Variants in CNR2 observed in about 807,000 individuals in gnomAD.
CNR2 encodes cannabinoid receptor 2.
For missense variants in CNR2, 379 were observed against 439.9 expected, an observed-to-expected ratio of 0.86 and a Z score of 1.24; for synonymous variants, 172 against 182.2, an observed-to-expected ratio of 0.94 and a Z score of 0.45.
intron 1 of CNR2, among the ~76,000 whole-genome samples, chr1:23,909,833 G>A (rs1640554887): frequency 1.3e-5 from 2 of 152,044 alleles, no homozygotes; most frequent in African/African-American, 4.8e-5. Flanking sequence ...CATACCTAGA[G>A]GCATTTCCAC....
At chr1:23,905,489 CTTTATATATTATATATA>C (rs1640472729) in intron 1 of CNR2, among the ~76,000 whole-genome samples, 1 of 149,946 alleles carries the variant, frequency 6.7e-6, no homozygotes, top group East Asian at 1.9e-4. Flanking sequence ...CATCTTTGCA[CTTTATATATTATATATA>C]TTTATATATT....
rs1639799734 is a variant in CNR2 at position 23,873,394 on chromosome 1, C to T, written c.*1141G>A. 6.7e-6 allele frequency: 1 copy of T among 149,326 alleles called. No homozygotes were observed. The highest frequency in any genetic ancestry group is 2.5e-5 in the African/African-American group (1 of 40,000). The allele number at this position is 149,326 out of a possible 1,614,324, so 9.3% of individuals were successfully genotyped here. On this transcript the variant is annotated 3_prime_UTR_variant, in exon 2 of 2. Transcript: ENST00000374472. ...GGGACTACAGGTGCCTGCCACCATGCCCTGCTAATTTTTGTATTTTTAGTA... is the reference window on the plus strand; with the variant it reads ...GGGACTACAGGTGCCTGCCACCATGTCCTGCTAATTTTTGTATTTTTAGTA...
rs192996807 is a variant in CNR2, at chr1:23,897,121, C to T, written c.-46+16125G>A. On this transcript the variant is annotated intron_variant, in intron 1 of 1. Transcript: ENST00000374472. ...AACTCCTGACCTCAGGTGATCCACC[C>T]GCCTCAGCCTCCCAAAGTGCTGGAA... is the stretch of plus-strand genomic sequence containing the variant. Among the ~76,000 whole-genome samples, 149 of 152,052 alleles carry T rather than the reference C, an allele frequency of 9.8e-4. 2 individuals carry two copies. The highest frequency in any genetic ancestry group is 3.5e-3 in the African/African-American group (146 of 41,476).
chr1:23,876,144 A>G (rs1004456307), intron 1 of CNR2, among the ~76,000 whole-genome samples: 2 of 152,160 alleles, frequency 1.3e-5, no homozygotes, highest in African/African-American at 2.4e-5. Flanking sequence ...CTTAACATCA[A>G]GTGATGGGAA....
chr1:23,875,021 G>A lies in CNR2; in HGVS notation c.597C>T (p.Ala199=), dbSNP rs1316168609. Reference sequence around the variant, plus strand: ...TGTAGATGATTCCGGAAAAGAGGAAGGCGATGAACAGGAGCCAGCTCAGCA... The same window carrying A: ...TGTAGATGATTCCGGAAAAGAGGAAAGCGATGAACAGGAGCCAGCTCAGCA... ...DYLLSWLLFI[A]FLFSGIIYTY... is the part of the protein sequence containing the mutation. Residue 199 remains alanine, a synonymous_variant, in exon 2 of 2, where the codon GCC becomes GCT. Coordinates refer to ENST00000374472, the MANE Select transcript of CNR2 (RefSeq NM_001841.3). The A allele has an allele frequency of 5.0e-6, 8 of 1,609,106 alleles. No homozygotes were observed. Among genetic ancestry groups the A allele is most frequent in the South Asian group, 1.1e-5 (1 of 90,214 alleles).
intron 1 of CNR2, among the ~76,000 whole-genome samples, chr1:23,893,492 ATAAT>A (rs1640222571): frequency 6.6e-6 from 1 of 152,228 alleles, no homozygotes; most frequent in African/African-American, 2.4e-5. Flanking sequence ...TGCAGATTAA[ATAAT>A]TATTTAAAAC....
intron 1 of CNR2, among the ~76,000 whole-genome samples, chr1:23,911,520 G>A (rs780073605): frequency 7.2e-5 from 11 of 152,170 alleles, no homozygotes; most frequent in Non-Finnish European, 1.0e-4. Context: ...GGATGGGAGT[G>A]AGGGAAGCTC....
At chr1:23,900,454 G>A (rs1338255548) in intron 1 of CNR2, among the ~76,000 whole-genome samples, 2 of 151,702 alleles carry the variant, frequency 1.3e-5, no homozygotes, top group African/African-American at 2.4e-5. Context: ...ATAGACGGAG[G>A]GGCATGGGGT....
rs1336397885 is a variant in CNR2 at position 23,902,748 on chromosome 1, A to G, written c.-46+10498T>C. ...CTCGCGCAGCGTGGGGGACCGCGCC[A>G]TTTGGGGCTCTCCGGGTGGTTGTTG... On this transcript the variant is annotated intron_variant, in intron 1 of 1. Coordinates refer to ENST00000374472, the MANE Select transcript of CNR2 (RefSeq NM_001841.3). 15 of 1,530,400 alleles carry G rather than the reference A, an allele frequency of 9.8e-6. 1 individual carries two copies. The highest frequency in any genetic ancestry group is 1.1e-5 in the Non-Finnish European group (13 of 1,144,864). 94.8% of individuals were successfully genotyped at this position (1,530,400 alleles called of 1,614,324 possible). A position where few individuals can be genotyped will look rare whatever the true frequency, so the allele number is the denominator to read the frequency against.
intron 1 of CNR2, among the ~76,000 whole-genome samples, chr1:23,876,087 G>A (rs1639869536): frequency 6.6e-6 from 1 of 152,156 alleles, no homozygotes; most frequent in Non-Finnish European, 1.5e-5. Flanking sequence ...GGCAAGTAAA[G>A]TACTGAAGTT....
intron 1 of CNR2, among the ~76,000 whole-genome samples, chr1:23,883,171 T>A (rs1640021205): frequency 6.6e-6 from 1 of 152,208 alleles, no homozygotes; most frequent in African/African-American, 2.4e-5. Flanking sequence ...GAAATGTGTT[T>A]CACTCCCATC....
In CNR2 at chr1:23,870,632, G is replaced by A. The variant is rs1639744536; in HGVS notation, c.*3903C>T. ...CTCCTTATCCACATAACCAAAATGTGAACCTGCAGGGACAGGTGAGAGGCA... is the reference window on the plus strand; with the variant it reads ...CTCCTTATCCACATAACCAAAATGTAAACCTGCAGGGACAGGTGAGAGGCA... On this transcript the variant is annotated 3_prime_UTR_variant, in exon 2 of 2. Coordinates refer to ENST00000374472, the MANE Select transcript of CNR2 (RefSeq NM_001841.3). 1 of 152,186 alleles carries A rather than the reference G, an allele frequency of 6.6e-6. No homozygotes were observed. The highest frequency in any genetic ancestry group is 1.5e-5 in the Non-Finnish European group (1 of 68,034). The allele number at this position is 152,186 out of a possible 1,614,324, so 9.4% of individuals were successfully genotyped here. A position where few individuals can be genotyped will look rare whatever the true frequency, so the allele number is the denominator to read the frequency against.
chr1:23,877,522 C>A (rs545545314), intron 1 of CNR2, among the ~76,000 whole-genome samples: 2 of 152,142 alleles, frequency 1.3e-5, no homozygotes, highest in South Asian at 2.1e-4. Flanking sequence ...GTAGTCTCAG[C>A]TACTCAGGAG....
chr1:23,877,452 G>T (rs971283924), intron 1 of CNR2, among the ~76,000 whole-genome samples: 1 of 151,934 alleles, frequency 6.6e-6, no homozygotes, highest in Admixed American at 6.6e-5. Context: ...TGGCTAACAC[G>T]GTGAAACCTC....
At chr1:23,900,566 G>A (rs1247768816) in intron 1 of CNR2, among the ~76,000 whole-genome samples, 1 of 149,522 alleles carries the variant, frequency 6.7e-6, no homozygotes, top group Non-Finnish European at 1.5e-5. Context: ...GGGTGCAATG[G>A]TGCAATCTCG....
chr1:23,897,707 G>A (rs1226964166), intron 1 of CNR2, among the ~76,000 whole-genome samples: 2 of 152,036 alleles, frequency 1.3e-5, no homozygotes, highest in Admixed American at 6.6e-5. Flanking sequence ...TGATCCACCC[G>A]CCTTAGCCTC....
intron 1 of CNR2, among the ~76,000 whole-genome samples, chr1:23,909,216 G>A (rs1246483911): frequency 1.3e-5 from 2 of 152,140 alleles, no homozygotes; most frequent in African/African-American, 4.8e-5. Context: ...ATCTGGCCTT[G>A]TCTGTCATTT....
chr1:23,910,202 C>T (rs1283543903), intron 1 of CNR2, among the ~76,000 whole-genome samples: 1 of 139,020 alleles, frequency 7.2e-6, no homozygotes, highest in African/African-American at 2.7e-5. Context: ...CTCAAGCTAT[C>T]CTCCTGCCTG....
chr1:23,879,605 C>T (rs767114977), intron 1 of CNR2, among the ~76,000 whole-genome samples: 2 of 152,024 alleles, frequency 1.3e-5, no homozygotes, highest in Non-Finnish European at 2.9e-5. Flanking sequence ...AGAATGAGAC[C>T]TTGTTTCAAA....
Sources: allele counts gnomAD v4.1 joint callset (sites outside exome capture counted in the v4.1 genomes callset), GRCh38; gene constraint gnomAD v4.1.1; transcripts MANE v1.5; gene names NCBI Gene and HGNC (gene_info 2026-07-23, HGNC 2026-07-21).